DPY19L3: variants seen among roughly 807,000 people sequenced by gnomAD.
DPY19L3 encodes the protein dpy-19 like C-mannosyltransferase 3.
In DPY19L3, 51 loss-of-function variants were observed where a neutral mutation model predicts 92.3. The observed-to-expected ratio is 0.55, with a 90% CI of 0.44 to 0.70. The LOEUF (loss-of-function observed/expected upper bound fraction) is 0.70. Ranked by LOEUF, DPY19L3 falls within the 30% of genes least tolerant of loss-of-function variation. The pLI, the probability that DPY19L3 is intolerant of heterozygous loss-of-function variation, is 0.00. For synonymous variants in DPY19L3, 309 were observed against 315.2 expected (o/e 0.98, Z 0.21); for missense variants, 706 against 855.9 (o/e 0.82, Z 2.18).
chr19:32,410,954 G>A (rs563028601), intron 2 of DPY19L3, among the ~76,000 whole-genome samples: 12 of 152,182 alleles, frequency 7.9e-5, no homozygotes, highest in East Asian at 1.9e-4. Context: ...AAACTGTGCC[G>A]GACAGAGGCC....
intron 8 of DPY19L3, among the ~76,000 whole-genome samples, chr19:32,444,754 G>A (rs531926409): frequency 6.6e-6 from 1 of 151,600 alleles, no homozygotes; most frequent in East Asian, 1.9e-4. Context: ...ACCTATAGGG[G>A]AAAACCAATT....
chr19:32,453,313 T>C, intron 9 of DPY19L3, 37 bp downstream of exon 9: 1 of 1,566,816 alleles, frequency 6.4e-7, no homozygotes, highest in African/African-American at 1.4e-5. Flanking sequence ...AAAGTAAACT[T>C]TTTTTTAATT....
intron 8 of DPY19L3, among the ~76,000 whole-genome samples, chr19:32,452,674 G>A (rs1451588620): frequency 6.6e-6 from 1 of 151,952 alleles, no homozygotes; most frequent in African/African-American, 2.4e-5. Flanking sequence ...CAGTTGGTAT[G>A]TGTATGATTT....
intron 17 of DPY19L3, among the ~76,000 whole-genome samples, 197 bp from the exon 18 acceptor site, chr19:32,480,202 G>A (rs867767090): frequency 3.3e-5 from 5 of 152,134 alleles, no homozygotes; most frequent in Non-Finnish European, 7.4e-5. Flanking sequence ...TCCCAAGGCC[G>A]AGCACTCACA....
rs1176408768 is a variant in DPY19L3 at position 32,477,652 on chromosome 19, G to A, written c.1828G>A (p.Ala610Thr). Residue 610 changes from alanine (A) to threonine (T), a missense_variant and splice_region_variant, in exon 17 of 19, where the codon GCG becomes ACG. Coordinates refer to ENST00000392250, the MANE Select transcript of DPY19L3 (RefSeq NM_001172774.2). ...EDSSLRERTR[A>T]VYQIYAKRAP... is the part of the protein sequence containing the mutation. ...CAGCAGCCTGAGAGAGCGGACCAGA[G>A]CGGTGAGGCTCCCCAGTGCCTCCCC... The A allele has an allele frequency of 6.2e-7, 1 of 1,614,022 alleles. No individual in the cohort carries two copies. Among genetic ancestry groups the A allele is most frequent in the East Asian group, 2.2e-5 (1 of 44,862 alleles).
At chr19:32,452,518 A>C (rs867218683) in intron 8 of DPY19L3, among the ~76,000 whole-genome samples, 3 of 152,270 alleles carry the variant, frequency 2.0e-5, no homozygotes, top group Admixed American at 6.5e-5. Flanking sequence ...ATCATTGAAA[A>C]GAAAACTGAA....
At chr19:32,433,006 CT>C (rs1186474819) in intron 4 of DPY19L3, among the ~76,000 whole-genome samples, 200 bp downstream of exon 4, 5 of 152,188 alleles carry the variant, frequency 3.3e-5, no homozygotes, top group Non-Finnish European at 7.3e-5. Flanking sequence ...CTCTCTTTGC[CT>C]TCCAGCTCTG....
intron 3 of DPY19L3, among the ~76,000 whole-genome samples, chr19:32,416,450 A>G (rs139383916): frequency 6.6e-6 from 1 of 152,272 alleles, no homozygotes; most frequent in East Asian, 1.9e-4. Flanking sequence ...TTCGTTTCAC[A>G]CACCAGTGGC....
chr19:32,450,246 G>A (rs909706113), intron 8 of DPY19L3, among the ~76,000 whole-genome samples: 1 of 152,174 alleles, frequency 6.6e-6, no homozygotes, highest in South Asian at 2.1e-4. Flanking sequence ...TGTCGCGGAT[G>A]TGAAGAAATC....
At chr19:32,437,467 C>T (rs1043080505) in intron 6 of DPY19L3, 128 bp downstream of exon 6, 2 of 1,100,030 alleles carry the variant, frequency 1.8e-6, no homozygotes, top group Admixed American at 2.9e-5. Flanking sequence ...CTTTGGTTTG[C>T]CTGGTGGTTT....
At chr19:32,445,245 T>C (rs1969452896) in intron 8 of DPY19L3, among the ~76,000 whole-genome samples, 1 of 151,038 alleles carries the variant, frequency 6.6e-6, no homozygotes, top group Non-Finnish European at 1.5e-5. Context: ...ATAGAGACCA[T>C]CCTGGCTAAC....
At chr19:32,475,642 GT>G (rs1970483823) in intron 16 of DPY19L3, among the ~76,000 whole-genome samples, 1 of 152,232 alleles carries the variant, frequency 6.6e-6, no homozygotes, top group South Asian at 2.1e-4. Flanking sequence ...AAGGCCCAGA[GT>G]AAGTGTTTAG....
At chr19:32,460,369 C>T (rs950588012) in intron 12 of DPY19L3, among the ~76,000 whole-genome samples, 1 of 152,160 alleles carries the variant, frequency 6.6e-6, no homozygotes, top group African/African-American at 2.4e-5. Flanking sequence ...TATAATTGCA[C>T]CATTGCACTC....
At chr19:32,407,267 C>CCG (rs1555714139) in intron 1 of DPY19L3, among the ~76,000 whole-genome samples, 4 of 121,056 alleles carry the variant, frequency 3.3e-5, no homozygotes, top group South Asian at 2.9e-4. Context: ...CTCCTGCTCC[C>CCG]CCCCACCCAT....
intron 3 of DPY19L3, among the ~76,000 whole-genome samples, chr19:32,421,925 G>A (rs913013110): frequency 6.6e-6 from 1 of 152,096 alleles, no homozygotes; most frequent in Admixed American, 6.5e-5. Flanking sequence ...GCATTTCGAA[G>A]ATCCCCAAAG....
intron 3 of DPY19L3, among the ~76,000 whole-genome samples, chr19:32,432,017 G>A (rs112740564): frequency 9.3e-4 from 141 of 152,120 alleles, no homozygotes; most frequent in African/African-American, 3.2e-3. Context: ...TTCAGGTTAG[G>A]GCTGCTCAAC....
At chr19:32,431,806 A>G (rs1968979155) in intron 3 of DPY19L3, among the ~76,000 whole-genome samples, 1 of 152,224 alleles carries the variant, frequency 6.6e-6, no homozygotes, top group African/African-American at 2.4e-5. Flanking sequence ...TGGCATCACC[A>G]TTGTTCCTGA....
intron 16 of DPY19L3, chr19:32,469,256 G>C (rs1970283771): frequency 6.5e-6 from 1 of 154,902 alleles, no homozygotes; most frequent in Non-Finnish European, 1.4e-5. Context: ...CAGCACTTTG[G>C]GAGGCTGAGG....
chr19:32,484,822 G>A lies in DPY19L3; in HGVS notation c.*2582G>A, dbSNP rs1274544086. 1.3e-5 allele frequency: 2 copies of A among 152,180 alleles called. No individual in the cohort carries two copies. The highest frequency in any genetic ancestry group is 4.8e-5 in the African/African-American group (2 of 41,434). 9.4% of individuals were successfully genotyped at this position (152,180 alleles called of 1,614,324 possible). ...CGGGTGTGAAAAGAAAGAATTTTCT[G>A]TAAAAATTAAGTTGAATACTTTGGT... On this transcript the variant is annotated 3_prime_UTR_variant, in exon 19 of 19. Coordinates refer to ENST00000392250, the MANE Select transcript of DPY19L3 (RefSeq NM_001172774.2).
Sources: gnomAD v4.1 joint callset for allele counts (sites outside exome capture counted in the v4.1 genomes callset) on GRCh38, gnomAD v4.1.1 for gene constraint, MANE v1.5 for transcripts, NCBI Gene and HGNC (gene_info 2026-07-23, HGNC 2026-07-21) for gene names.